Variants in COPS4 observed in about 807,000 individuals in gnomAD.
COPS4 encodes the protein COP9 signalosome subunit 4, also known as COP9 signalosome complex subunit 4.
In COPS4, 8 loss-of-function variants were observed where a neutral mutation model predicts 55.1. That is an observed-to-expected ratio of 0.15 (90% confidence interval 0.09 to 0.26). The LOEUF (loss-of-function observed/expected upper bound fraction) is 0.26. Ranked by LOEUF, COPS4 falls within the 10% of genes least tolerant of loss-of-function variation. COPS4 has a pLI of 1.00. For missense variants in COPS4, 248 were observed against 484.0 expected, an observed-to-expected ratio of 0.51 and a Z score of 4.58; for synonymous variants, 185 against 165.7, an observed-to-expected ratio of 1.12 and a Z score of -0.90.
intron 4 of COPS4, among the ~76,000 whole-genome samples, 164 bp from the exon 5 acceptor site, chr4:83,056,762 G>A (rs1731024413): frequency 6.6e-6 from 1 of 152,128 alleles, no homozygotes; most frequent in African/African-American, 2.4e-5. Context: ...TTGCACCACT[G>A]CACTCCAGCC....
At chr4:83,070,122 T>C (rs1231190666) in intron 9 of COPS4, among the ~76,000 whole-genome samples, 1 of 152,202 alleles carries the variant, frequency 6.6e-6, no homozygotes, top group African/African-American at 2.4e-5. Context: ...TGTCATCTCT[T>C]CCATCCGATT....
intron 1 of COPS4, among the ~76,000 whole-genome samples, chr4:83,044,264 C>T (rs1364850801): frequency 2.7e-5 from 4 of 146,844 alleles, no homozygotes; most frequent in African/African-American, 7.6e-5. Context: ...GGCCAACATG[C>T]GGAAACCCCA....
In COPS4 at chr4:83,058,161, T is replaced by C. The variant is rs143779822; in HGVS notation, c.715+753T>C. On this transcript the variant is annotated intron_variant, in intron 6 of 9. Transcript: ENST00000264389. ...GTGTAACAAATATTGTTTGTTCTTT[T>C]TACTGAATTTTAGCATGTAAATCAC... 6.3e-3 allele frequency among the ~76,000 whole-genome samples: 957 copies of C among 152,244 alleles called. 16 individuals are homozygous for C. Among genetic ancestry groups the C allele is most frequent in the South Asian group, 5.4e-3 (26 of 4,828 alleles).
rs1303004220 is a variant in COPS4, at chr4:83,049,272, C to T, written c.261C>T (p.Phe87=). The change falls in exon 3 of 10, where the codon TTC becomes TTT. Residue 87 remains phenylalanine, a synonymous_variant. Coordinates refer to ENST00000264389, the MANE Select transcript of COPS4 (RefSeq NM_016129.3). ...PDSTAKEIYH[F]TLEKIQPRVI... is the part of the protein sequence containing the mutation. ...GCACAGCCAAAGAAATCTATCACTT[C>T]ACCTTGGAAAAGATCCAGCCTAGAG... The T allele has an allele frequency of 6.2e-7, 1 of 1,611,372 alleles. No individual in the cohort carries two copies. Among genetic ancestry groups the T allele is most frequent in the South Asian group, 1.1e-5 (1 of 90,228 alleles).
intron 1 of COPS4, among the ~76,000 whole-genome samples, chr4:83,037,252 G>A (rs544459964): frequency 6.6e-6 from 1 of 152,354 alleles, no homozygotes; most frequent in Non-Finnish European, 1.5e-5. Flanking sequence ...AGCCTAGGAA[G>A]TCTCACGTCA....
rs1730791964 is a variant in COPS4 at position 83,049,034 on chromosome 4, A to G, written c.155-132A>G. 3 of 765,424 alleles carry G rather than the reference A, an allele frequency of 3.9e-6. No individual in the cohort carries two copies. In the East Asian group the frequency reaches 8.8e-5, roughly 22 times the overall value. 47.4% of individuals were successfully genotyped at this position (765,424 alleles called of 1,614,324 possible). A position where few individuals can be genotyped will look rare whatever the true frequency, so the allele number is the denominator to read the frequency against. ...GTAATATAAAATGATAGGGGTATGG[A>G]AATCCTTGAATAATGCATTGAAGGC... On this transcript the variant is annotated intron_variant, in intron 2 of 9. Transcript: ENST00000264389.
intron 6 of COPS4, among the ~76,000 whole-genome samples, chr4:83,060,539 C>A (rs930796896): frequency 1.3e-5 from 2 of 151,190 alleles, no homozygotes; most frequent in Non-Finnish European, 1.5e-5. Context: ...ATCTCCTGAC[C>A]TCGTGATCTA....
chr4:83,049,425 C>A, intron 3 of COPS4, 108 bp downstream of exon 3: 2 of 1,026,046 alleles, frequency 1.9e-6, no homozygotes, highest in African/African-American at 1.7e-5. Flanking sequence ...TCATTTTTGA[C>A]AAAACAGTGT....
chr4:83,067,440 G>A (rs1234858373), intron 8 of COPS4, among the ~76,000 whole-genome samples: 2 of 150,870 alleles, frequency 1.3e-5, no homozygotes, highest in African/African-American at 4.9e-5. Context: ...TGGCCAGGCT[G>A]GTCTCAAATT....
chr4:83,036,710 T>G (rs1356102976), intron 1 of COPS4, among the ~76,000 whole-genome samples: 2 of 152,222 alleles, frequency 1.3e-5, no homozygotes, highest in Non-Finnish European at 2.9e-5. Flanking sequence ...ATTCACTTAT[T>G]GTATGGGTTG....
chr4:83,054,915 A>T (rs1345200797), intron 4 of COPS4, among the ~76,000 whole-genome samples: 1 of 152,232 alleles, frequency 6.6e-6, no homozygotes. Flanking sequence ...AGTAATCGAT[A>T]TAATAGTTAC....
At chr4:83,064,818 C>T (rs186074729) in intron 7 of COPS4, among the ~76,000 whole-genome samples, 1 of 148,086 alleles carries the variant, frequency 6.8e-6, no homozygotes, top group Non-Finnish European at 1.5e-5. Context: ...CCTCAGCCTT[C>T]CAGAGCACTG....
At chr4:83,040,878 T>C (rs893215014) in intron 1 of COPS4, among the ~76,000 whole-genome samples, 9 of 151,638 alleles carry the variant, frequency 5.9e-5, no homozygotes, top group Non-Finnish European at 7.4e-5. Context: ...ATGATGACTG[T>C]GGTACATTTT....
At chr4:83,064,264 G>A (rs963026986) in intron 7 of COPS4, among the ~76,000 whole-genome samples, 1 of 152,120 alleles carries the variant, frequency 6.6e-6, no homozygotes, top group African/African-American at 2.4e-5. Flanking sequence ...TTGAGCCCAG[G>A]GGGTCAAGGC....
At chr4:83,064,726 A>C (rs1560442742) in intron 7 of COPS4, among the ~76,000 whole-genome samples, 1 of 152,026 alleles carries the variant, frequency 6.6e-6, no homozygotes, top group African/African-American at 2.4e-5. Context: ...TGCCTGGTTA[A>C]TATTTTAATT....
At chr4:83,061,928 C>T (rs796084471) in intron 6 of COPS4, among the ~76,000 whole-genome samples, 10 of 152,246 alleles carry the variant, frequency 6.6e-5, no homozygotes, top group African/African-American at 2.4e-4. Context: ...TTGTGTTTTG[C>T]CTGCCTCAGA....
chr4:83,043,742 A>G (rs1049421811), intron 1 of COPS4, among the ~76,000 whole-genome samples: 2 of 152,202 alleles, frequency 1.3e-5, no homozygotes, highest in Non-Finnish European at 2.9e-5. Context: ...AACTTATCTG[A>G]AAGCATGCCC....
At chr4:83,037,501 T>C (rs957348795) in intron 1 of COPS4, among the ~76,000 whole-genome samples, 1 of 152,234 alleles carries the variant, frequency 6.6e-6, no homozygotes. Flanking sequence ...CCATAACTCC[T>C]TCAGAGCTGC....
chr4:83,065,751 T>C (rs968909482), intron 7 of COPS4, among the ~76,000 whole-genome samples: 2 of 152,252 alleles, frequency 1.3e-5, no homozygotes, highest in African/African-American at 4.8e-5. Context: ...TTGCCTTGGT[T>C]TGATGCTCCT....
Sources: gnomAD v4.1 joint callset for allele counts (sites outside exome capture counted in the v4.1 genomes callset) on GRCh38, gnomAD v4.1.1 for gene constraint, MANE v1.5 for transcripts, NCBI Gene and HGNC (gene_info 2026-07-23, HGNC 2026-07-21) for gene names.